Variants in NLGN1 observed in about 807,000 individuals in gnomAD.
NLGN1 encodes neuroligin 1, also known as neuroligin-1.
NLGN1 carries 12 observed loss-of-function variants against 65.5 expected under a neutral mutation model. That is an observed-to-expected ratio of 0.18 (90% CI 0.12 to 0.30). NLGN1 has a LOEUF of 0.30. Among genes scored for constraint, NLGN1 ranks in the 10% least tolerant of loss-of-function variants. The pLI is 1.00. For missense variants in NLGN1, 750 were observed against 1,007.1 expected, an observed-to-expected ratio of 0.74 and a Z score of 3.46; for synonymous variants, 350 against 359.5, an observed-to-expected ratio of 0.97 and a Z score of 0.30.
intron 2 of NLGN1, among the ~76,000 whole-genome samples, chr3:173,539,666 T>C (rs867040163): frequency 7.1e-6 from 1 of 140,732 alleles, no homozygotes; most frequent in Admixed American, 7.2e-5. Flanking sequence ...TGTGTATATA[T>C]GCACATATAT....
At chr3:173,825,512 A>T (rs1721171122) in intron 4 of NLGN1, among the ~76,000 whole-genome samples, 1 of 151,932 alleles carries the variant, frequency 6.6e-6, no homozygotes, top group South Asian at 2.1e-4. Context: ...TTTTCGTTTT[A>T]TTCTATTTTT....
At chr3:173,983,718 C>T (rs1719268575) in intron 4 of NLGN1, among the ~76,000 whole-genome samples, 1 of 152,136 alleles carries the variant, frequency 6.6e-6, no homozygotes, top group Admixed American at 6.6e-5. Context: ...ATGGTTCCCC[C>T]TCATTCAGGT....
At chr3:173,929,846 G>A (rs34022279) in intron 4 of NLGN1, among the ~76,000 whole-genome samples, 45,548 of 151,748 alleles carry the variant, frequency 0.3, 7,300 homozygotes, top group African/African-American at 0.39. Context: ...CTGGGATTAT[G>A]GGCATGTGCC....
chr3:174,061,806 T>C (rs1478807005), intron 4 of NLGN1, among the ~76,000 whole-genome samples: 1 of 152,090 alleles, frequency 6.6e-6, no homozygotes, highest in Non-Finnish European at 1.5e-5. Flanking sequence ...TGGATCTCCA[T>C]TGAATATTCC....
intron 4 of NLGN1, among the ~76,000 whole-genome samples, chr3:174,024,824 A>G (rs949793087): frequency 6.6e-5 from 10 of 152,198 alleles, no homozygotes; most frequent in Non-Finnish European, 8.8e-5. Context: ...GTCATTAAAT[A>G]TTTGGCTCTA....
intron 1 of NLGN1, among the ~76,000 whole-genome samples, chr3:173,407,309 C>T (rs1718874669): frequency 6.6e-6 from 1 of 151,990 alleles, no homozygotes. Context: ...GCTGAAAGGG[C>T]CATGGTGGGT....
At chr3:174,194,695 T>C (rs964494907) in intron 4 of NLGN1, among the ~76,000 whole-genome samples, 2 of 150,106 alleles carry the variant, frequency 1.3e-5, no homozygotes, top group Admixed American at 6.7e-5. Flanking sequence ...TGTGTGTGTG[T>C]ATATATATAT....
intron 2 of NLGN1, among the ~76,000 whole-genome samples, chr3:173,513,578 A>G (rs973067372): frequency 2.0e-5 from 3 of 152,206 alleles, no homozygotes; most frequent in Non-Finnish European, 4.4e-5. Flanking sequence ...TCAGCTTTTC[A>G]TAAGTTGTTA....
At chr3:174,228,626 T>A (rs892611905) in intron 4 of NLGN1, among the ~76,000 whole-genome samples, 1 of 152,108 alleles carries the variant, frequency 6.6e-6, no homozygotes, top group Non-Finnish European at 1.5e-5. Context: ...AATATGCCCC[T>A]GCAAATAAAA....
At chr3:173,427,711 A>G (rs1378321453) in intron 1 of NLGN1, among the ~76,000 whole-genome samples, 1 of 151,928 alleles carries the variant, frequency 6.6e-6, no homozygotes, top group Non-Finnish European at 1.5e-5. Flanking sequence ...GAATTTGTTC[A>G]GACTTGCTTT....
At chr3:173,663,113 C>T (rs539182437) in intron 3 of NLGN1, among the ~76,000 whole-genome samples, 41 of 152,032 alleles carry the variant, frequency 2.7e-4, no homozygotes, top group African/African-American at 9.2e-4. Context: ...AGTAGGTGAA[C>T]TTGGGTTCAT....
intron 2 of NLGN1, among the ~76,000 whole-genome samples, chr3:173,557,059 A>T (rs1460824443): frequency 6.6e-6 from 1 of 152,148 alleles, no homozygotes; most frequent in East Asian, 1.9e-4. Flanking sequence ...TCATTCTATC[A>T]GTCACTGAGA....
At chr3:173,723,545 G>T (rs1215659835) in intron 3 of NLGN1, among the ~76,000 whole-genome samples, 5 of 152,094 alleles carry the variant, frequency 3.3e-5, no homozygotes, top group Admixed American at 3.3e-4. Flanking sequence ...AGTCCCAATA[G>T]TGCCTATAAT....
chr3:174,065,830 C>A (rs966899680), intron 4 of NLGN1, among the ~76,000 whole-genome samples: 1 of 152,074 alleles, frequency 6.6e-6, no homozygotes, highest in African/African-American at 2.4e-5. Flanking sequence ...TATGGAGAGG[C>A]CTATAAAGCA....
chr3:174,193,029 T>C (rs1378172338), intron 4 of NLGN1, among the ~76,000 whole-genome samples: 1 of 152,096 alleles, frequency 6.6e-6, no homozygotes, highest in Non-Finnish European at 1.5e-5. Context: ...ACTTATTACA[T>C]TGGTATATAA....
At chr3:173,730,665 G>T (rs752558124) in intron 3 of NLGN1, among the ~76,000 whole-genome samples, 1 of 152,036 alleles carries the variant, frequency 6.6e-6, no homozygotes, top group East Asian at 1.9e-4. Flanking sequence ...CATATGAAAT[G>T]AGAGTATTAA....
intron 3 of NLGN1, among the ~76,000 whole-genome samples, chr3:173,708,429 C>G (rs1319540252): frequency 6.6e-6 from 1 of 152,170 alleles, no homozygotes; most frequent in Non-Finnish European, 1.5e-5. Flanking sequence ...CTGTCATCAC[C>G]ACCTCTCAGC....
At position 173,899,986 on chromosome 3, in the gene NLGN1, T is replaced by C. The variant is rs1317339011; in HGVS notation, c.646+92154T>C. On this transcript the variant is annotated intron_variant, in intron 4 of 6. Coordinates refer to ENST00000457714, the Ensembl canonical transcript of NLGN1. ...TCAACTGAGTTCATAAGAGATAATG[T>C]GTTCAGATTTTCCTTTTTCCTTTCA... 2.6e-5 allele frequency among the ~76,000 whole-genome samples: 4 copies of C among 152,214 alleles called. No homozygotes were observed. In the East Asian group the frequency reaches 7.7e-4, roughly 29 times the overall value.
At chr3:173,583,986 G>T (rs1020156865) in intron 2 of NLGN1, among the ~76,000 whole-genome samples, 3 of 151,284 alleles carry the variant, frequency 2.0e-5, no homozygotes, top group Admixed American at 6.6e-5. Flanking sequence ...AGTTATTAAA[G>T]AAACAAATAC....
Sources: allele counts gnomAD v4.1 joint callset (sites outside exome capture counted in the v4.1 genomes callset), GRCh38; gene constraint gnomAD v4.1.1; transcripts MANE v1.5; gene names NCBI Gene and HGNC (gene_info 2026-07-23, HGNC 2026-07-21).